The following ROBO2 variants were observed in gnomAD, a reference collection of about 807,000 sequenced individuals.
ROBO2 encodes the protein roundabout homolog 2.
A neutral mutation model predicts 160.8 loss-of-function variants in ROBO2; 53 were observed. That is an observed-to-expected ratio of 0.33 (90% CI 0.26 to 0.41). ROBO2 has a LOEUF of 0.41. Among genes scored for constraint, ROBO2 ranks in the 10% least tolerant of loss-of-function variants. The pLI is 1.00. For missense variants in ROBO2, 1,577 were observed against 1,722.4 expected, an observed-to-expected ratio of 0.92 and a Z score of 1.49; for synonymous variants, 664 against 611.7, an observed-to-expected ratio of 1.09 and a Z score of -1.26.
chr3:76,437,089 G>A (rs929789562), intron 2 of ROBO2, among the ~76,000 whole-genome samples: 5 of 152,140 alleles, frequency 3.3e-5, no homozygotes, highest in Non-Finnish European at 7.4e-5. Context: ...GACTATATGA[G>A]TCATTGTGAT....
intron 5 of ROBO2, among the ~76,000 whole-genome samples, chr3:77,520,332 A>G (rs12107578): frequency 0.042 from 6,414 of 151,296 alleles, 440 homozygotes; most frequent in African/African-American, 0.14. Context: ...CTATTTATTG[A>G]TAACATGACT....
intron 2 of ROBO2, among the ~76,000 whole-genome samples, chr3:75,948,506 C>T (rs79031664): frequency 4.2e-5 from 6 of 142,242 alleles, no homozygotes; most frequent in East Asian, 2.1e-4. Flanking sequence ...TGTTCTTCAA[C>T]GTGGCCCAAA....
exon 22 of ROBO2, chr3:77,617,597 T>C (rs538969259): frequency 2.5e-6 from 4 of 1,614,186 alleles, no homozygotes; most frequent in Non-Finnish European, 2.5e-6. Context: ...AAGAAGATGA[T>C]GATAGGGTCC....
chr3:76,130,289 T>C (rs1032519697), intron 2 of ROBO2, among the ~76,000 whole-genome samples: 11 of 152,144 alleles, frequency 7.2e-5, no homozygotes, highest in Non-Finnish European at 1.6e-4. Context: ...CAGTTTGGGA[T>C]ATTTTTTGCA....
At chr3:76,850,712 C>T (rs1324870649) in intron 2 of ROBO2, among the ~76,000 whole-genome samples, 1 of 152,092 alleles carries the variant, frequency 6.6e-6, no homozygotes, top group Non-Finnish European at 1.5e-5. Context: ...GATCTGCTTT[C>T]AAGCAGTGAC....
At chr3:76,655,563 G>A (rs1398106059) in intron 2 of ROBO2, among the ~76,000 whole-genome samples, 3 of 147,628 alleles carry the variant, frequency 2.0e-5, no homozygotes, top group African/African-American at 7.4e-5. Flanking sequence ...AGAGCACAGA[G>A]GTTCATTTAA....
chr3:76,024,246 A>T (rs892099038), intron 2 of ROBO2, among the ~76,000 whole-genome samples: 2 of 151,552 alleles, frequency 1.3e-5, no homozygotes, highest in African/African-American at 4.8e-5. Context: ...TAAATCGATT[A>T]TACTTTAAAA....
At chr3:76,018,002 A>G (rs1488811520) in intron 2 of ROBO2, among the ~76,000 whole-genome samples, 2 of 152,132 alleles carry the variant, frequency 1.3e-5, no homozygotes, top group Non-Finnish European at 2.9e-5. Flanking sequence ...GAAATTGAGT[A>G]TGCCCCTTCT....
intron 2 of ROBO2, among the ~76,000 whole-genome samples, chr3:76,849,562 A>G (rs2069116166): frequency 6.6e-6 from 1 of 152,244 alleles, no homozygotes; most frequent in African/African-American, 2.4e-5. Context: ...AAATAGTAAT[A>G]CATTAAATTA....
At position 76,004,708 on chromosome 3, in the gene ROBO2, G is replaced by A. The variant is rs184877232; in HGVS notation, c.109+67106G>A. ...TCCAAAGGCTCCAACTCCAAATACC[G>A]TTATATTGGGTATTAGATTTCAACA... On this transcript the variant is annotated intron_variant, in intron 2 of 26. Coordinates refer to the ROBO2 transcript ENST00000487694. Among the ~76,000 whole-genome samples, 130 of 152,078 alleles carry A rather than the reference G, an allele frequency of 8.5e-4. 1 individual carries two copies. The highest frequency in any genetic ancestry group is 2.1e-4 in the South Asian group (1 of 4,824).
At chr3:77,292,368 G>T (rs1276844527) in intron 2 of ROBO2, among the ~76,000 whole-genome samples, 1 of 151,974 alleles carries the variant, frequency 6.6e-6, no homozygotes, top group Non-Finnish European at 1.5e-5. Flanking sequence ...GGTTAAATGG[G>T]TAAGCTGAGG....
chr3:76,613,675 A>C (rs1313753006), intron 2 of ROBO2, among the ~76,000 whole-genome samples: 1 of 151,964 alleles, frequency 6.6e-6, no homozygotes, highest in Non-Finnish European at 1.5e-5. Context: ...TATTTGTAGA[A>C]AGGAGAGGGG....
chr3:76,953,997 A>AT (rs2079103566), intron 2 of ROBO2, among the ~76,000 whole-genome samples: 1 of 152,216 alleles, frequency 6.6e-6, no homozygotes, highest in South Asian at 2.1e-4. Flanking sequence ...TCATTCTCAA[A>AT]TATCTATGCA....
chr3:77,396,076 A>G (rs1053259029), intron 2 of ROBO2, among the ~76,000 whole-genome samples: 2 of 151,962 alleles, frequency 1.3e-5, no homozygotes, highest in African/African-American at 4.8e-5. Flanking sequence ...CTTAAAAAAA[A>G]AAAGAAAAGC....
chr3:77,514,044 A>T (rs962486567), intron 5 of ROBO2, among the ~76,000 whole-genome samples: 5 of 151,668 alleles, frequency 3.3e-5, no homozygotes, highest in African/African-American at 1.2e-4. Flanking sequence ...ATGTTTTTTC[A>T]TCTGTTTCTT....
chr3:76,351,959 C>T (rs1276552803), intron 2 of ROBO2, among the ~76,000 whole-genome samples: 2 of 151,970 alleles, frequency 1.3e-5, no homozygotes, highest in African/African-American at 4.8e-5. Flanking sequence ...AATAACTTTA[C>T]AATGTCATAA....
chr3:77,574,620 T>G (rs2093716870), exon 14 of ROBO2: 1 of 1,613,306 alleles, frequency 6.2e-7, no homozygotes. Flanking sequence ...CGAAGTGCTG[T>G]CTTAGTCAAC....
At chr3:77,467,587 G>C (rs867597344) in intron 2 of ROBO2, among the ~76,000 whole-genome samples, 8 of 148,136 alleles carry the variant, frequency 5.4e-5, no homozygotes, top group East Asian at 2.0e-4. Flanking sequence ...CTATCTGTCT[G>C]TATCTATCTA....
At chr3:75,973,774 C>G (rs761208271) in intron 2 of ROBO2, among the ~76,000 whole-genome samples, 1 of 151,260 alleles carries the variant, frequency 6.6e-6, no homozygotes, top group Non-Finnish European at 1.5e-5. Flanking sequence ...ATGGGTGATA[C>G]GAAGTTTTAG....
Sources: allele counts gnomAD v4.1 joint callset (sites outside exome capture counted in the v4.1 genomes callset), GRCh38; gene constraint gnomAD v4.1.1; transcripts MANE v1.5; gene names NCBI Gene and HGNC (gene_info 2026-07-23, HGNC 2026-07-21).